Variants in COL18A1 observed in about 807,000 individuals in gnomAD.
The protein encoded by COL18A1 is collagen alpha-1(XVIII) chain.
In COL18A1, 133 loss-of-function variants were observed where a neutral mutation model predicts 168.0. The ratio of observed to expected loss-of-function variants is 0.79; its 90% CI spans 0.69 to 0.91. The LOEUF (loss-of-function observed/expected upper bound fraction) is 0.91. COL18A1 is among the 40% of genes least tolerant of loss of function. COL18A1 has a pLI of 0.00. For missense variants in COL18A1, 2,126 were observed against 1,925.4 expected (o/e 1.10, Z -1.95); for synonymous variants, 949 against 809.0 (o/e 1.17, Z -2.94).
chr21:45,452,921 GTA>G (rs891950432), intron 2 of COL18A1, among the ~76,000 whole-genome samples: 2 of 151,734 alleles, frequency 1.3e-5, no homozygotes, highest in African/African-American at 2.4e-5. Flanking sequence ...ATGTGTGTGA[GTA>G]TTCACATGTG....
chr21:45,472,507 G>A (rs559037224), intron 3 of COL18A1, among the ~76,000 whole-genome samples: 18 of 152,218 alleles, frequency 1.2e-4, no homozygotes, highest in Non-Finnish European at 2.2e-4. Context: ...CACTGCGCCC[G>A]GCCGAAGCGC....
chr21:45,504,428 G>A lies in COL18A1; in HGVS notation c.2740G>A (p.Asp914Asn), dbSNP rs552269448. 4 of 1,611,786 alleles carry A rather than the reference G, an allele frequency of 2.5e-6. No individual in the cohort carries two copies. Among genetic ancestry groups the A allele is most frequent in the South Asian group, 1.1e-5 (1 of 90,988 alleles). The change falls in exon 34 of 42, where the codon GAC (aspartate) becomes AAC (asparagine). Residue 914 changes from aspartate to asparagine, a missense_variant. Transcript: ENST00000651438. ...TTTCCGTCCACAGGGGGAGAAGGGA[G>A]ACCGAGGTGATGCAGGACAGAAAGG... ...LEAEMKGEKG[D>N]RGDAGQKGER...
rs1568904132 is a variant in COL18A1, at chr21:45,477,498, C to T, written c.1005+11C>T. On this transcript the variant is annotated intron_variant, in intron 7 of 41. Coordinates refer to ENST00000651438, the MANE Select transcript of COL18A1 (RefSeq NM_001379500.1). ...GGCCGCGTGAAAGAGGTAAGGCCAC[C>T]TCCCTGTGCTCCTGAACCATTCTGA... 1.4e-5 allele frequency: 22 copies of T among 1,599,488 alleles called. No homozygotes were observed. Among genetic ancestry groups the T allele is most frequent in the Non-Finnish European group, 1.9e-5 (22 of 1,172,684 alleles).
At chr21:45,499,341 G>A (rs1359821145) in intron 32 of COL18A1, among the ~76,000 whole-genome samples, 2 of 152,264 alleles carry the variant, frequency 1.3e-5, no homozygotes, top group African/African-American at 2.4e-5. Context: ...GGCAGGAACC[G>A]GCGTCCCAGC....
At chr21:45,405,609 G>A (rs1459694514) in intron 2 of COL18A1, 136 bp downstream of exon 2, 1 of 420,502 alleles carries the variant, frequency 2.4e-6, no homozygotes, top group Non-Finnish European at 3.7e-6. Flanking sequence ...ACGCGCGCAG[G>A]AGGCGCCGGA....
At position 45,489,424 on chromosome 21, in the gene COL18A1, G is replaced by A. The variant is rs2036222131; in HGVS notation, c.1924-62G>A. On this transcript the variant is annotated intron_variant, in intron 18 of 41. Transcript: ENST00000651438. ...CTCACCCTTCCCTTCACCCGGGGTG[G>A]ACGCTGCCTGAGGACTGGGCTGGCC... 3.8e-5 allele frequency: 49 copies of A among 1,273,062 alleles called. 1 individual carries two copies. In the South Asian group the frequency reaches 6.0e-4, roughly 15 times the overall value. The allele number at this position is 1,273,062 out of a possible 1,614,324, so 78.9% of individuals were successfully genotyped here.
chr21:45,504,321 CT>C (rs1416889867), intron 33 of COL18A1, 94 bp from the exon 34 acceptor site: 2 of 1,321,556 alleles, frequency 1.5e-6, no homozygotes, highest in Non-Finnish European at 2.1e-6. Context: ...GCTCCGGAAG[CT>C]TCTGACTGCC....
At chr21:45,495,693 T>A (rs1049229907) in intron 29 of COL18A1, 1 of 472,336 alleles carries the variant, frequency 2.1e-6, no homozygotes, top group African/African-American at 2.1e-5. Context: ...TGCACATACA[T>A]GCCCATACAC....
chr21:45,475,305 AG>A (rs111806973), intron 4 of COL18A1, among the ~76,000 whole-genome samples, 170 bp from the exon 5 acceptor site: 546 of 152,338 alleles, frequency 3.6e-3, no homozygotes, highest in African/African-American at 0.013. Context: ...TGGGCAGGGA[AG>A]GCCAGCGTGC....
rs2036421355 is a variant in COL18A1 at position 45,493,233 on chromosome 21, G to T, written c.2277+8G>T. The T allele has an allele frequency of 1.3e-6, 2 of 1,554,586 alleles. No individual in the cohort carries two copies. Among genetic ancestry groups the T allele is most frequent in the African/African-American group, 1.4e-5 (1 of 73,322 alleles). On this transcript the variant is annotated splice_region_variant and intron_variant, in intron 25 of 41. Transcript: ENST00000651438. ...GGCTCCCCGGGACCCAAGGTAAGGG[G>T]CTCAGGTGCTGTCCCTCAACCCCCT...
intron 2 of COL18A1, among the ~76,000 whole-genome samples, chr21:45,415,404 C>G (rs1227361132): frequency 6.6e-6 from 1 of 152,174 alleles, no homozygotes; most frequent in African/African-American, 2.4e-5. Context: ...CCCAGGATGA[C>G]CTCCCAACAG....
At chr21:45,508,929 C>A (rs948466376) in intron 38 of COL18A1, among the ~76,000 whole-genome samples, 1 of 152,070 alleles carries the variant, frequency 6.6e-6, no homozygotes, top group Non-Finnish European at 1.5e-5. Flanking sequence ...TAGGGGCATC[C>A]GGACTGGGGT....
At chr21:45,417,523 C>T (rs1005707318) in intron 2 of COL18A1, among the ~76,000 whole-genome samples, 1 of 152,182 alleles carries the variant, frequency 6.6e-6, no homozygotes, top group African/African-American at 2.4e-5. Flanking sequence ...CTCACGGGTG[C>T]CCCCGCCCTG....
chr21:45,456,667 G>T, intron 2 of COL18A1: 3 of 1,532,838 alleles, frequency 2.0e-6, no homozygotes, highest in Non-Finnish European at 2.6e-6. Flanking sequence ...TGCTGCAGAC[G>T]CACTGCCACC....
intron 2 of COL18A1, chr21:45,467,113 C>A: frequency 1.8e-6 from 1 of 558,114 alleles, no homozygotes; most frequent in Non-Finnish European, 2.3e-6. Context: ...ACTGTGGCTG[C>A]AAAGCCCGGG....
chr21:45,495,827 A>G (rs1307145620), intron 29 of COL18A1: 4 of 336,344 alleles, frequency 1.2e-5, no homozygotes, highest in Non-Finnish European at 2.3e-5. Flanking sequence ...CCACGTGCAC[A>G]CCCATACAGG....
intron 2 of COL18A1, among the ~76,000 whole-genome samples, chr21:45,453,675 T>G (rs2034707201): frequency 1.3e-5 from 2 of 151,244 alleles, no homozygotes; most frequent in Non-Finnish European, 3.0e-5. Flanking sequence ...GCAGGAAGGG[T>G]GGGGTCAGGA....
At chr21:45,419,579 CAGCAGAT>C (rs1380114574) in intron 2 of COL18A1, 2 of 152,186 alleles carry the variant, frequency 1.3e-5, no homozygotes. Flanking sequence ...GTGTTTCCCT[CAGCAGAT>C]TTATCAGGCG....
chr21:45,508,206 GTGTA>G (rs2037344490), intron 38 of COL18A1, among the ~76,000 whole-genome samples: 1 of 150,290 alleles, frequency 6.7e-6, no homozygotes, highest in African/African-American at 2.5e-5. Context: ...AGGTGGGTGA[GTGTA>G]TGAATGGGTG....
Sources: gnomAD v4.1 joint callset for allele counts (sites outside exome capture counted in the v4.1 genomes callset) on GRCh38, gnomAD v4.1.1 for gene constraint, MANE v1.5 for transcripts, NCBI Gene and HGNC (gene_info 2026-07-23, HGNC 2026-07-21) for gene names.